The following CPNE4 variants were observed in gnomAD, a reference collection of about 807,000 sequenced individuals.
The protein encoded by CPNE4 is copine 4.
A neutral mutation model predicts 67.9 loss-of-function variants in CPNE4; 25 were observed. The ratio of observed to expected loss-of-function variants is 0.37; its 90% confidence interval spans 0.27 to 0.51. The LOEUF is 0.51. CPNE4 is among the 20% of genes least tolerant of loss of function. The pLI, the probability that CPNE4 is intolerant of heterozygous loss-of-function variation, is 0.93. For missense variants in CPNE4, 464 were observed against 690.8 expected, an observed-to-expected ratio of 0.67 and a Z score of 3.68; for synonymous variants, 242 against 244.9, an observed-to-expected ratio of 0.99 and a Z score of 0.11.
intron 5 of CPNE4, among the ~76,000 whole-genome samples, chr3:131,693,544 T>C (rs1418210108): frequency 6.6e-6 from 1 of 152,194 alleles, no homozygotes; most frequent in African/African-American, 2.4e-5. Flanking sequence ...ATTTGTGCTG[T>C]ATTCAATCTG....
At chr3:132,024,082 ATTTT>A (rs10584915) in intron 1 of CPNE4, among the ~76,000 whole-genome samples, 4,592 of 134,016 alleles carry the variant, frequency 0.034, 260 homozygotes, top group African/African-American at 0.12. Flanking sequence ...GTCTTCAGTA[ATTTT>A]TTTTTTTTTT....
At chr3:131,618,306 G>T (rs887280511) in intron 7 of CPNE4, among the ~76,000 whole-genome samples, 1 of 152,160 alleles carries the variant, frequency 6.6e-6, no homozygotes, top group African/African-American at 2.4e-5. Flanking sequence ...GAGGTATATT[G>T]TGATAGTTTG....
At chr3:131,834,319 A>G (rs983128642) in intron 2 of CPNE4, among the ~76,000 whole-genome samples, 2 of 152,160 alleles carry the variant, frequency 1.3e-5, no homozygotes, top group Non-Finnish European at 2.9e-5. Flanking sequence ...TGGCTCATAC[A>G]CTTGTTTATT....
At chr3:131,550,242 G>C (rs930546933) in intron 13 of CPNE4, among the ~76,000 whole-genome samples, 162 bp from the exon 14 acceptor site, 1 of 152,136 alleles carries the variant, frequency 6.6e-6, no homozygotes, top group Non-Finnish European at 1.5e-5. Flanking sequence ...TAGTGTTGCT[G>C]TCTCCTTCCC....
chr3:131,829,544 T>A, intron 2 of CPNE4, among the ~76,000 whole-genome samples: 1 of 152,172 alleles, frequency 6.6e-6, no homozygotes, highest in Non-Finnish European at 1.5e-5. Context: ...ATAAAATGTG[T>A]GCCTCTGCTG....
Position 131,549,938 on chromosome 3 carries a change from C to G in CPNE4, c.1302+9G>C. On this transcript the variant is annotated intron_variant, in intron 14 of 15. Coordinates refer to ENST00000429747, the MANE Select transcript of CPNE4 (RefSeq NM_130808.3). ...GCTCCCCTTAGGAGGCAAATAGCCC[C>G]CTCCTTACCGATGCCTCCTTGGTGT... The G allele has an allele frequency of 3.1e-6, 5 of 1,612,780 alleles. No homozygotes were observed. Among genetic ancestry groups the G allele is most frequent in the Non-Finnish European group, 4.2e-6 (5 of 1,179,182 alleles).
In CPNE4 at chr3:131,655,169, C is replaced by T. The variant is rs551445064; in HGVS notation, c.681+14506G>A. Among the ~76,000 whole-genome samples, 24 of 152,284 alleles carry T rather than the reference C, an allele frequency of 1.6e-4. No individual in the cohort carries two copies. The South Asian group carries it at 1.7e-3, about 11-fold the overall frequency. On this transcript the variant is annotated intron_variant, in intron 7 of 15. Coordinates refer to ENST00000429747, the MANE Select transcript of CPNE4 (RefSeq NM_130808.3). ...TTTCTTCTATATGAATCATGCTTTACGCATGAACTCTGAACCAGCAGCATC... is the reference window on the plus strand; with the variant it reads ...TTTCTTCTATATGAATCATGCTTTATGCATGAACTCTGAACCAGCAGCATC...
At chr3:131,537,223 A>AC (rs1166277457) in intron 15 of CPNE4, among the ~76,000 whole-genome samples, 1 of 151,964 alleles carries the variant, frequency 6.6e-6, no homozygotes, top group Non-Finnish European at 1.5e-5. Flanking sequence ...GGAACTCTGT[A>AC]AAAGTGTGTG....
chr3:132,033,761 G>A (rs2074290848), intron 1 of CPNE4, among the ~76,000 whole-genome samples: 1 of 152,208 alleles, frequency 6.6e-6, no homozygotes, highest in Non-Finnish European at 1.5e-5. Context: ...GCTCCTCACC[G>A]GATGGTAATC....
chr3:131,607,667 G>A (rs1156546956), intron 7 of CPNE4, among the ~76,000 whole-genome samples: 1 of 152,084 alleles, frequency 6.6e-6, no homozygotes, highest in African/African-American at 2.4e-5. Flanking sequence ...TAGTGGCAAA[G>A]CATTTTAAAA....
At chr3:131,877,910 G>A (rs1185231151) in intron 2 of CPNE4, among the ~76,000 whole-genome samples, 1 of 152,158 alleles carries the variant, frequency 6.6e-6, no homozygotes, top group Non-Finnish European at 1.5e-5. Flanking sequence ...TAAAAGGTAT[G>A]CAGATTAAAA....
chr3:131,716,440 G>A (rs77659014), intron 3 of CPNE4, among the ~76,000 whole-genome samples: 3,970 of 152,172 alleles, frequency 0.026, 162 homozygotes, highest in African/African-American at 0.081. Flanking sequence ...ATAAATACAC[G>A]TGTACGTGTG....
intron 7 of CPNE4, among the ~76,000 whole-genome samples, chr3:131,642,238 C>T (rs2079559676): frequency 6.6e-6 from 1 of 152,160 alleles, no homozygotes. Context: ...AGGTAATATA[C>T]ATGTGCAAAA....
intron 5 of CPNE4, among the ~76,000 whole-genome samples, chr3:131,695,355 T>A (rs1343966125): frequency 1.3e-5 from 2 of 152,192 alleles, no homozygotes; most frequent in East Asian, 1.9e-4. Flanking sequence ...TATGAGCAAG[T>A]GTTCATTTGA....
At chr3:131,999,921 T>C (rs997083632) in intron 1 of CPNE4, among the ~76,000 whole-genome samples, 3 of 152,032 alleles carry the variant, frequency 2.0e-5, no homozygotes, top group African/African-American at 7.2e-5. Context: ...TTTTCCTCCA[T>C]TCAATTGTTT....
intron 1 of CPNE4, among the ~76,000 whole-genome samples, chr3:131,925,746 A>G (rs1309985671): frequency 6.6e-6 from 1 of 152,194 alleles, no homozygotes; most frequent in Admixed American, 6.5e-5. Context: ...GGATGCACTA[A>G]GACACTCCTA....
chr3:131,691,015 C>T (rs992973721), intron 5 of CPNE4, among the ~76,000 whole-genome samples: 1 of 152,072 alleles, frequency 6.6e-6, no homozygotes. Flanking sequence ...TACCATCTCG[C>T]ACCAGTCAGA....
intron 2 of CPNE4, among the ~76,000 whole-genome samples, chr3:131,831,029 G>A (rs1336285515): frequency 6.6e-6 from 1 of 151,836 alleles, no homozygotes; most frequent in South Asian, 2.1e-4. Flanking sequence ...TTACCTGTAG[G>A]ACTCCAGGTA....
chr3:131,966,117 T>C (rs1364279335), intron 1 of CPNE4, among the ~76,000 whole-genome samples: 4 of 152,218 alleles, frequency 2.6e-5, no homozygotes, highest in Non-Finnish European at 5.9e-5. Flanking sequence ...TACTCCTGAA[T>C]GACTACTGAG....
Sources: allele counts gnomAD v4.1 joint callset (sites outside exome capture counted in the v4.1 genomes callset), GRCh38; gene constraint gnomAD v4.1.1; transcripts MANE v1.5; gene names NCBI Gene and HGNC (gene_info 2026-07-23, HGNC 2026-07-21).